EMSY: variants seen among roughly 807,000 people sequenced by gnomAD.
EMSY encodes the protein BRCA2-interacting transcriptional repressor EMSY.
A neutral mutation model predicts 134.6 loss-of-function variants in EMSY; 26 were observed. That is an observed-to-expected ratio of 0.19 (90% CI 0.14 to 0.27). The LOEUF (loss-of-function observed/expected upper bound fraction) is 0.27. Ranked by LOEUF, EMSY falls within the 10% of genes least tolerant of loss-of-function variation. EMSY has a pLI of 1.00. For synonymous variants in EMSY, 579 were observed against 577.8 expected (o/e 1.00, Z -0.03); for missense variants, 1,305 against 1,611.4 (o/e 0.81, Z 3.26).
rs1948049435 is a variant in EMSY, at chr11:76,460,149, T to A, written c.571+64T>A. 3.9e-6 allele frequency: 6 copies of A among 1,548,652 alleles called. No homozygotes were observed. In the Admixed American group the frequency reaches 1.0e-4, roughly 27 times the overall value. On this transcript the variant is annotated intron_variant, in intron 6 of 20. Transcript: ENST00000334736. ...TAAATGCTGCAGTCTAGGCTCTGAT[T>A]AGACCTGCCTTCCTGGATTAAATCA...
chr11:76,496,397 C>T (rs1404413294), exon 9 of EMSY: 4 of 1,614,094 alleles, frequency 2.5e-6, no homozygotes, highest in East Asian at 2.2e-5. Flanking sequence ...TCCAGTATCT[C>T]ATCAGCAACA....
chr11:76,511,840 T>G (rs574977943), intron 9 of EMSY, among the ~76,000 whole-genome samples: 2 of 152,326 alleles, frequency 1.3e-5, no homozygotes, highest in East Asian at 1.9e-4. Context: ...ACTGAATTTT[T>G]ACTGTTCATT....
At chr11:76,537,555 G>T (rs531790490) in intron 15 of EMSY, among the ~76,000 whole-genome samples, 1 of 152,332 alleles carries the variant, frequency 6.6e-6, no homozygotes, top group South Asian at 2.1e-4. Context: ...GAGATAAAAA[G>T]GAGATGATTT....
In EMSY at chr11:76,466,144, T is replaced by C. The variant is rs184254869; in HGVS notation, c.831+2064T>C. On this transcript the variant is annotated intron_variant, in intron 7 of 20. Coordinates refer to ENST00000334736, the Ensembl canonical transcript of EMSY. Reference sequence around the variant, plus strand: ...ATGTGCCTGATGTCATTAGATTTCTTTGTCAATCTCCCTCATGACAGTAAA... The same window carrying C: ...ATGTGCCTGATGTCATTAGATTTCTCTGTCAATCTCCCTCATGACAGTAAA... Among the ~76,000 whole-genome samples the C allele has an allele frequency of 3.3e-5, 5 of 152,338 alleles. No individual in the cohort carries two copies. In the East Asian group the frequency reaches 9.6e-4, roughly 29 times the overall value.
At chr11:76,546,347 G>T in intron 20 of EMSY, 50 bp downstream of exon 21, 1 of 1,554,794 alleles carries the variant, frequency 6.4e-7, no homozygotes. Flanking sequence ...GGGGGTTGTG[G>T]GTTTGTTTGA....
intron 1 of EMSY, among the ~76,000 whole-genome samples, chr11:76,446,630 A>G (rs1296333947): frequency 6.6e-6 from 1 of 152,148 alleles, no homozygotes; most frequent in Non-Finnish European, 1.5e-5. Flanking sequence ...ATAGATGTGT[A>G]AAGCTTAGGC....
intron 14 of EMSY, among the ~76,000 whole-genome samples, chr11:76,532,799 G>A (rs943952714): frequency 2.2e-4 from 33 of 152,144 alleles, no homozygotes; most frequent in Non-Finnish European, 4.1e-4. Context: ...ATTGCTTTGA[G>A]TAAGTCATAA....
At chr11:76,523,198 C>A (rs1950708961) in exon 12 of EMSY, 1 of 1,613,648 alleles carries the variant, frequency 6.2e-7, no homozygotes, top group African/African-American at 1.3e-5. Flanking sequence ...CTTCCAAGCC[C>A]AACGTGATTG....
chr11:76,547,075 A>G (rs1468553893), intron 20 of EMSY: 1 of 454,968 alleles, frequency 2.2e-6, no homozygotes, highest in African/African-American at 2.0e-5. Flanking sequence ...TAGAAGTTGT[A>G]TTTTATCTCC....
At chr11:76,533,160 T>C (rs933992332) in intron 14 of EMSY, among the ~76,000 whole-genome samples, 6 of 152,106 alleles carry the variant, frequency 3.9e-5, no homozygotes, top group African/African-American at 1.4e-4. Flanking sequence ...ATAGATATCT[T>C]AGGTTTAGTT....
At position 76,451,799 on chromosome 11, in the gene EMSY, A is replaced by G. The variant is rs1026644275; in HGVS notation, c.71-59A>G. 6.5e-6 allele frequency: 7 copies of G among 1,068,916 alleles called. No homozygotes were observed. The African/African-American group carries it at 6.7e-5, about 10-fold the overall frequency. The allele number at this position is 1,068,916 out of a possible 1,614,324, so 66.2% of individuals were successfully genotyped here. The stretch of plus-strand genomic sequence containing the variant: ...TTTTTGCCCTGAAGTTTCACTATAC[A>G]TAGCCATAGTATTAAAATATTAAAG... On this transcript the variant is annotated intron_variant, in intron 2 of 20. Transcript: ENST00000334736.
rs555974719 is a variant in EMSY, at chr11:76,539,744, A to G, written c.2557+104A>G. On this transcript the variant is annotated intron_variant, in intron 17 of 20. Coordinates refer to ENST00000334736, the Ensembl canonical transcript of EMSY. ...GCTCTACTCTCATCTGGTAGAGGAAAGGTAAGCTCCACTTAGTGAAAGGAA... is the reference window on the plus strand; with the variant it reads ...GCTCTACTCTCATCTGGTAGAGGAAGGGTAAGCTCCACTTAGTGAAAGGAA... 4.3e-4 allele frequency: 473 copies of G among 1,110,502 alleles called. 1 individual carries two copies. The highest frequency in any genetic ancestry group is 6.0e-4 in the Non-Finnish European group (437 of 728,210). 68.8% of individuals were successfully genotyped at this position (1,110,502 alleles called of 1,614,324 possible).
chr11:76,542,490 C>A, intron 18 of EMSY, 123 bp downstream of exon 19: 1 of 1,252,874 alleles, frequency 8.0e-7, no homozygotes, highest in Non-Finnish European at 1.1e-6. Context: ...TAATTCTTTT[C>A]TAAGAAATGA....
intron 18 of EMSY, among the ~76,000 whole-genome samples, chr11:76,543,929 G>T (rs1262240393): frequency 6.6e-6 from 1 of 152,168 alleles, no homozygotes; most frequent in African/African-American, 2.4e-5. Flanking sequence ...ATCATGAATA[G>T]GCCAGACGGC....
intron 7 of EMSY, among the ~76,000 whole-genome samples, chr11:76,464,896 G>T (rs1948287407): frequency 6.6e-6 from 1 of 152,130 alleles, no homozygotes; most frequent in South Asian, 2.1e-4. Context: ...TTTTCCCTGT[G>T]AATTTTTGAA....
chr11:76,506,968 T>A (rs1156909806), intron 9 of EMSY, among the ~76,000 whole-genome samples: 1 of 152,186 alleles, frequency 6.6e-6, no homozygotes, highest in Non-Finnish European at 1.5e-5. Flanking sequence ...TAAATTACGA[T>A]TCTGGCGTAC....
intron 9 of EMSY, among the ~76,000 whole-genome samples, chr11:76,505,011 G>T (rs1188560116): frequency 6.6e-6 from 1 of 152,170 alleles, no homozygotes; most frequent in Middle Eastern, 3.2e-3. Context: ...GAAACTGAAT[G>T]AATGGGTGCA....
intron 8 of EMSY, among the ~76,000 whole-genome samples, chr11:76,493,093 C>G (rs1949490485): frequency 6.6e-6 from 1 of 152,190 alleles, no homozygotes; most frequent in African/African-American, 2.4e-5. Context: ...TCCGAAGTGC[C>G]TGCTCCTGCT....
At chr11:76,516,908 ACCATCTGC>A (rs1454312963) in intron 11 of EMSY, 2 of 152,144 alleles carry the variant, frequency 1.3e-5, no homozygotes, top group African/African-American at 4.8e-5. Context: ...GTGAAAGCCA[ACCATCTGC>A]CTATTTATTG....
Sources: gnomAD v4.1 joint callset for allele counts (sites outside exome capture counted in the v4.1 genomes callset) on GRCh38, gnomAD v4.1.1 for gene constraint, MANE v1.5 for transcripts, NCBI Gene and HGNC (gene_info 2026-07-23, HGNC 2026-07-21) for gene names.